Variants in PPHLN1 observed in about 807,000 individuals in gnomAD.
The protein encoded by PPHLN1 is periphilin 1, also known as periphilin-1.
A neutral mutation model predicts 51.3 loss-of-function variants in PPHLN1; 29 were observed. The ratio of observed to expected loss-of-function variants is 0.57; its 90% confidence interval spans 0.42 to 0.77. PPHLN1 has a LOEUF of 0.77. Ranked by LOEUF, PPHLN1 falls within the 30% of genes least tolerant of loss-of-function variation. The probability of loss-of-function intolerance (pLI) is 0.00; values close to 1 mark genes in which losing one functional copy is unlikely to be tolerated. For synonymous variants in PPHLN1, 147 were observed against 147.8 expected (o/e 0.99, Z 0.04); for missense variants, 436 against 438.4 (o/e 0.99, Z 0.05).
At chr12:42,427,542 G>A (rs953255891) in intron 9 of PPHLN1, among the ~76,000 whole-genome samples, 2 of 152,118 alleles carry the variant, frequency 1.3e-5, no homozygotes, top group African/African-American at 4.8e-5. Flanking sequence ...TTCAACAAAT[G>A]GTGCTGCCAA....
chr12:42,445,252 A>T, downstream of PPHLN1: 1 of 602,416 alleles, frequency 1.7e-6, no homozygotes, highest in East Asian at 2.9e-5. Flanking sequence ...CAAGCCACCC[A>T]ATCACATCAA....
At chr12:42,436,905 T>A (rs2082530709) in intron 9 of PPHLN1, among the ~76,000 whole-genome samples, 1 of 152,208 alleles carries the variant, frequency 6.6e-6, no homozygotes, top group Non-Finnish European at 1.5e-5. Flanking sequence ...TGGACTGCAG[T>A]TTACAGCAGG....
At position 42,422,407 on chromosome 12, in the gene PPHLN1, T is replaced by C. The variant is rs76925038; in HGVS notation, c.910-18908T>C. On this transcript the variant is annotated intron_variant, in intron 9 of 9. Transcript: ENST00000358314. ...TTGTATCTACATGAGCACATGGTAA[T>C]TTTCCATGAAGTAAGGTTAAAGGGG... Among the ~76,000 whole-genome samples, 214 of 152,342 alleles carry C rather than the reference T, an allele frequency of 1.4e-3. 2 individuals are homozygous for C. In the East Asian group the frequency reaches 0.037, roughly 26 times the overall value.
chr12:42,413,809 C>G (rs1208248715), intron 9 of PPHLN1, among the ~76,000 whole-genome samples: 5 of 151,952 alleles, frequency 3.3e-5, no homozygotes, highest in African/African-American at 7.3e-5. Context: ...GTGATCCGCC[C>G]ACCTCAGCCT....
intron 7 of PPHLN1, among the ~76,000 whole-genome samples, chr12:42,390,778 T>C (rs1029931143): frequency 1.3e-5 from 2 of 151,466 alleles, no homozygotes; most frequent in Non-Finnish European, 2.9e-5. Context: ...TGGATGCCCC[T>C]GATGTAAATG....
At chr12:42,407,400 C>G (rs146375832) in intron 9 of PPHLN1, among the ~76,000 whole-genome samples, 37 of 152,348 alleles carry the variant, frequency 2.4e-4, no homozygotes, top group African/African-American at 8.7e-4. Context: ...GGCCTCTCCA[C>G]AGCACTTGCT....
chr12:42,442,435 T>G (rs552468316), downstream of PPHLN1, among the ~76,000 whole-genome samples: 48 of 152,336 alleles, frequency 3.2e-4, no homozygotes, highest in Non-Finnish European at 5.7e-4. Flanking sequence ...GACTGCTCCC[T>G]GCAAAGGGGG....
At chr12:42,387,574 C>T (rs368593861) in intron 7 of PPHLN1, 39 bp downstream of exon 7, 2 of 1,602,578 alleles carry the variant, frequency 1.2e-6, no homozygotes, top group Non-Finnish European at 1.7e-6. Flanking sequence ...AGAAGAATTA[C>T]AAATTGAGAT....
intron 4 of PPHLN1, among the ~76,000 whole-genome samples, chr12:42,367,652 C>A (rs893952618): frequency 6.6e-6 from 1 of 151,940 alleles, no homozygotes; most frequent in Non-Finnish European, 1.5e-5. Context: ...ATCTTCGTAT[C>A]GTTTGTCTGT....
At chr12:42,431,101 C>A (rs573450193) in intron 9 of PPHLN1, among the ~76,000 whole-genome samples, 1 of 152,246 alleles carries the variant, frequency 6.6e-6, no homozygotes, top group East Asian at 1.9e-4. Context: ...CAGTCACTGC[C>A]AAATATCACC....
intron 9 of PPHLN1, among the ~76,000 whole-genome samples, chr12:42,411,919 A>G (rs1278289308): frequency 1.7e-5 from 2 of 118,658 alleles, no homozygotes; most frequent in Non-Finnish European, 3.5e-5. Flanking sequence ...AAAAAAAAAA[A>G]AAAAGGGCTG....
intron 5 of PPHLN1, 86 bp from the exon 6 acceptor site, chr12:42,384,854 C>T: frequency 7.6e-7 from 1 of 1,323,096 alleles, no homozygotes. Context: ...CCCCTGTTCT[C>T]ATCACTCCTA....
chr12:42,434,627 A>G (rs1702585671), intron 9 of PPHLN1, among the ~76,000 whole-genome samples: 1 of 152,098 alleles, frequency 6.6e-6, no homozygotes, highest in Non-Finnish European at 1.5e-5. Context: ...GCCAGAAGTG[A>G]AGTGTTGAGT....
intron 6 of PPHLN1, 59 bp downstream of exon 6, chr12:42,385,055 T>C (rs1592612613): frequency 2.0e-6 from 3 of 1,494,116 alleles, no homozygotes; most frequent in East Asian, 2.3e-5. Context: ...CTTGAACTGA[T>C]AGCGGTTATG....
chr12:42,431,667 T>A, intron 9 of PPHLN1: 1 of 1,065,856 alleles, frequency 9.4e-7, no homozygotes, highest in Non-Finnish European at 1.4e-6. Context: ...TTCTTCAGTT[T>A]ATGAAACACC....
At chr12:42,428,285 T>G (rs996967769) in intron 9 of PPHLN1, among the ~76,000 whole-genome samples, 21 of 152,150 alleles carry the variant, frequency 1.4e-4, no homozygotes, top group African/African-American at 4.6e-4. Context: ...AAAGAAGTCA[T>G]TATATGAAAA....
At chr12:42,332,470 T>G (rs1424291344) in intron 1 of PPHLN1, among the ~76,000 whole-genome samples, 1 of 152,198 alleles carries the variant, frequency 6.6e-6, no homozygotes, top group Admixed American at 6.5e-5. Context: ...TCTGTTATTA[T>G]AATTTTGTTC....
intron 7 of PPHLN1, among the ~76,000 whole-genome samples, chr12:42,392,130 C>A (rs531966595): frequency 6.6e-6 from 1 of 152,116 alleles, no homozygotes; most frequent in Non-Finnish European, 1.5e-5. Context: ...GTTGGGGAAT[C>A]GCTTGAACCC....
chr12:42,431,677 C>G, intron 9 of PPHLN1: 1 of 1,095,274 alleles, frequency 9.1e-7, no homozygotes, highest in Non-Finnish European at 1.4e-6. Flanking sequence ...TATGAAACAC[C>G]ATTCAGGACT....
Sources: allele counts gnomAD v4.1 joint callset (sites outside exome capture counted in the v4.1 genomes callset), GRCh38; gene constraint gnomAD v4.1.1; transcripts MANE v1.5; gene names NCBI Gene and HGNC (gene_info 2026-07-23, HGNC 2026-07-21).